Variants in RMDN1 observed in about 807,000 individuals in gnomAD.
The protein encoded by RMDN1 is regulator of microtubule dynamics protein 1.
RMDN1 carries 48 observed loss-of-function variants against 48.9 expected under a neutral mutation model. The ratio of observed to expected loss-of-function variants is 0.98; its 90% CI spans 0.78 to 1.25. RMDN1 has a LOEUF of 1.25. Ranked by LOEUF, RMDN1 falls within the 50% of genes most tolerant of loss-of-function variation. The pLI, the probability that RMDN1 is intolerant of heterozygous loss-of-function variation, is 0.00. For synonymous variants in RMDN1, 148 were observed against 132.6 expected, an observed-to-expected ratio of 1.12 and a Z score of -0.80; for missense variants, 418 against 373.4, an observed-to-expected ratio of 1.12 and a Z score of -0.98.
At chr8:86,504,768 C>T (rs189269760) in intron 2 of RMDN1, 133 of 1,043,446 alleles carry the variant, frequency 1.3e-4, no homozygotes, top group Non-Finnish European at 1.7e-4. Flanking sequence ...CCAGGGCCCC[C>T]GCCCAGCTGC....
At chr8:86,501,872 C>A (rs1818289230) in intron 2 of RMDN1, among the ~76,000 whole-genome samples, 1 of 150,540 alleles carries the variant, frequency 6.6e-6, no homozygotes, top group African/African-American at 2.5e-5. Context: ...ATCATTCAGC[C>A]AGTAACAAAA....
intron 2 of RMDN1, chr8:86,504,461 C>A: frequency 6.4e-7 from 1 of 1,557,986 alleles, no homozygotes; most frequent in Non-Finnish European, 8.8e-7. Context: ...TATTACTCAA[C>A]AGGAATCTTC....
intron 2 of RMDN1, chr8:86,495,010 A>T: frequency 2.7e-6 from 1 of 375,782 alleles, no homozygotes; most frequent in Non-Finnish European, 5.1e-6. Flanking sequence ...GTAACTTTTT[A>T]TGTCCTCAAG....
chr8:86,480,026 T>G (rs1295254279), intron 6 of RMDN1, among the ~76,000 whole-genome samples: 1 of 152,130 alleles, frequency 6.6e-6, no homozygotes, highest in East Asian at 1.9e-4. Flanking sequence ...GCATGGTAAA[T>G]AAGAATAGTC....
chr8:86,484,397 T>G (rs774354615), intron 5 of RMDN1, among the ~76,000 whole-genome samples: 3 of 152,144 alleles, frequency 2.0e-5, no homozygotes, highest in Non-Finnish European at 4.4e-5. Flanking sequence ...GCCACTGCGC[T>G]CAGTTAACCC....
intron 2 of RMDN1, among the ~76,000 whole-genome samples, chr8:86,489,559 C>T (rs144557041): frequency 2.2e-4 from 34 of 152,102 alleles, no homozygotes; most frequent in Non-Finnish European, 3.4e-4. Context: ...TGGCTGGGTG[C>T]GGTGGCTCAC....
intron 2 of RMDN1, among the ~76,000 whole-genome samples, chr8:86,497,266 C>A (rs1817520873): frequency 6.6e-6 from 1 of 151,946 alleles, no homozygotes; most frequent in Non-Finnish European, 1.5e-5. Context: ...CCAAAGCTAG[C>A]AGAAGAAAAT....
At chr8:86,512,363 A>T (rs1820087594), upstream of RMDN1, among the ~76,000 whole-genome samples, 1 of 152,212 alleles carries the variant, frequency 6.6e-6, no homozygotes, top group Non-Finnish European at 1.5e-5. Flanking sequence ...AAAAACTAAA[A>T]CACTTGTAGT....
rs535647214 is a variant in RMDN1, at chr8:86,507,775, G to A, written c.130-663C>T. 7.2e-4 allele frequency among the ~76,000 whole-genome samples: 110 copies of A among 152,176 alleles called. 3 individuals are homozygous for A. The highest frequency in any genetic ancestry group is 2.4e-3 in the African/African-American group (99 of 41,512). On this transcript the variant is annotated intron_variant, in intron 1 of 9. Coordinates refer to ENST00000406452, the MANE Select transcript of RMDN1 (RefSeq NM_016033.3). ...TTTGGTTATAAACTTCCAAGGAAGG[G>A]GAATATGCCAAATTTTAACCACCCC...
In RMDN1 at chr8:86,513,742, A is replaced by G. The variant is rs542475039; in HGVS notation, c.-4+500T>C. ...ATGAGGATTAAAGGTAATGAAGGAT[A>G]TAAAATGTCCTTGGTAGTGTGCACA... On this transcript the variant is annotated intron_variant, in intron 1 of 9. Transcript: ENST00000523911. Among the ~76,000 whole-genome samples the G allele has an allele frequency of 9.2e-5, 14 of 152,376 alleles. 1 individual carries two copies. In the East Asian group the frequency reaches 1.7e-3, roughly 19 times the overall value.
intron 5 of RMDN1, chr8:86,482,438 A>T (rs1814663362): frequency 2.1e-6 from 1 of 472,116 alleles, no homozygotes; most frequent in East Asian, 4.8e-5. Context: ...AAATCTTTGC[A>T]GTCTTAAGTT....
intron 8 of RMDN1, among the ~76,000 whole-genome samples, chr8:86,476,360 G>A (rs1813379147): frequency 6.6e-6 from 1 of 152,186 alleles, no homozygotes; most frequent in Non-Finnish European, 1.5e-5. Flanking sequence ...ATAAAATTCT[G>A]TAGAAGATAA....
chr8:86,500,020 T>C lies in RMDN1; in HGVS notation c.247+6975A>G, dbSNP rs529093852. On this transcript the variant is annotated intron_variant, in intron 2 of 9. Transcript: ENST00000406452. ...TAGAAACTAGACCCCTTTCACCATA[T>C]ACAAAATCAACTCAAAATGGATTAA... is the stretch of plus-strand genomic sequence containing the variant. 5.9e-5 allele frequency among the ~76,000 whole-genome samples: 9 copies of C among 152,146 alleles called. No individual in the cohort carries two copies. In the South Asian group the frequency reaches 1.2e-3, roughly 21 times the overall value.
At chr8:86,479,552 G>C (rs914571732) in intron 6 of RMDN1, among the ~76,000 whole-genome samples, 1 of 152,162 alleles carries the variant, frequency 6.6e-6, no homozygotes, top group African/African-American at 2.4e-5. Context: ...AGTCCTTAAG[G>C]CAGAAATTGC....
intron 5 of RMDN1, 130 bp from the exon 6 acceptor site, chr8:86,480,462 T>C (rs565240383): frequency 2.0e-6 from 1 of 503,440 alleles, no homozygotes. Flanking sequence ...CATTATAATA[T>C]CAACTTTCTT....
upstream of RMDN1, among the ~76,000 whole-genome samples, chr8:86,509,701 C>A (rs1315163386): frequency 1.3e-5 from 2 of 152,092 alleles, no homozygotes; most frequent in African/African-American, 4.8e-5. Flanking sequence ...TTAACCTAAC[C>A]AAGGATATGT....
chr8:86,506,923 T>C, intron 2 of RMDN1, 72 bp downstream of exon 2: 1 of 778,648 alleles, frequency 1.3e-6, no homozygotes. Flanking sequence ...GATTCTTTGT[T>C]TTAAAATAAA....
rs537747469 is a variant in RMDN1 at position 86,472,387 on chromosome 8, GA to G, written c.*1920del. The stretch of plus-strand genomic sequence containing the variant: ...CACAGTTTATTCGGTCTCCCTAAAG[GA>G]AAAAACCCATTTTAAAAAGCCATCC... On this transcript the variant is annotated 3_prime_UTR_variant, in exon 10 of 10. Transcript: ENST00000406452. 574 of 702,058 alleles carry G rather than the reference GA, an allele frequency of 8.2e-4. 5 individuals carry two copies. Among genetic ancestry groups the G allele is most frequent in the Middle Eastern group, 6.9e-4 (3 of 4,366 alleles). The allele number at this position is 702,058 out of a possible 1,614,324, so 43.5% of individuals were successfully genotyped here. A position where few individuals can be genotyped will look rare whatever the true frequency, so the allele number is the denominator to read the frequency against.
At chr8:86,468,336 G>C (rs974114465), downstream of RMDN1, 1 of 444,328 alleles carries the variant, frequency 2.3e-6, no homozygotes, top group Non-Finnish European at 4.5e-6. Flanking sequence ...AGAATTCATA[G>C]TAAAGACGAA....
Sources: gnomAD v4.1 joint callset for allele counts (sites outside exome capture counted in the v4.1 genomes callset) on GRCh38, gnomAD v4.1.1 for gene constraint, MANE v1.5 for transcripts, NCBI Gene and HGNC (gene_info 2026-07-23, HGNC 2026-07-21) for gene names.